Variants in KIF5C observed in about 807,000 individuals in gnomAD.
KIF5C encodes kinesin heavy chain isoform 5C.
A neutral mutation model predicts 125.2 loss-of-function variants in KIF5C; 18 were observed. The observed-to-expected ratio is 0.14, with a 90% CI of 0.10 to 0.21. The LOEUF (loss-of-function observed/expected upper bound fraction) is 0.21, where lower values mean the gene tolerates loss of function less well. Among genes scored for constraint, KIF5C ranks in the 10% least tolerant of loss-of-function variants. The pLI is 1.00. For missense variants in KIF5C, 780 were observed against 1,183.8 expected (o/e 0.66, Z 5.01); for synonymous variants, 405 against 434.0 (o/e 0.93, Z 0.83).
rs201928440 is a variant in KIF5C, at chr2:148,978,906, T to C, written c.1294-16T>C. ...ACATAACTAACCAAAAAAACAAACA[T>C]GATGTTTCGTTTCAGGATGATGAAA... is the stretch of plus-strand genomic sequence containing the variant. On this transcript the variant is annotated splice_polypyrimidine_tract_variant and intron_variant, in intron 12 of 25. Coordinates refer to ENST00000435030, the MANE Select transcript of KIF5C (RefSeq NM_004522.3). The C allele has an allele frequency of 6.3e-7, 1 of 1,580,500 alleles. No homozygotes were observed. Among genetic ancestry groups the C allele is most frequent in the African/African-American group, 1.4e-5 (1 of 73,280 alleles).
At chr2:149,005,298 A>G in intron 21 of KIF5C, 95 bp from the exon 22 acceptor site, 1 of 1,547,096 alleles carries the variant, frequency 6.5e-7, no homozygotes, top group African/African-American at 1.4e-5. Flanking sequence ...CGTCCATGGC[A>G]GGCTTGGGAA....
chr2:148,973,409 C>T lies in KIF5C; in HGVS notation c.1191C>T (p.Pro397=), dbSNP rs750336350. The stretch of plus-strand genomic sequence containing the variant: ...ACCTGGAGCCTTGTGATAACACCCC[C>T]ATCATAGACAATATTGCTCCTGTTG... ...QKNLEPCDNT[P]IIDNIAPVVA... Residue 397 remains proline (P), a synonymous_variant, in exon 12 of 26, where the codon CCC becomes CCT. Coordinates refer to ENST00000435030, the MANE Select transcript of KIF5C (RefSeq NM_004522.3). 5 of 1,613,622 alleles carry T rather than the reference C, an allele frequency of 3.1e-6. No homozygotes were observed. The African/African-American group carries it at 5.3e-5, about 17-fold the overall frequency.
At chr2:149,005,358 G>T in intron 21 of KIF5C, 35 bp from the exon 22 acceptor site, 1 of 1,606,510 alleles carries the variant, frequency 6.2e-7, no homozygotes, top group East Asian at 2.2e-5. Flanking sequence ...TCAGTGAATT[G>T]CTGCACTTAA....
chr2:148,947,691 C>T (rs1682551522), intron 8 of KIF5C, among the ~76,000 whole-genome samples: 1 of 152,228 alleles, frequency 6.6e-6, no homozygotes, highest in South Asian at 2.1e-4. Context: ...AATAGGCTTC[C>T]CAGAATCTCC....
At chr2:149,002,158 G>T (rs1681868848) in intron 21 of KIF5C, among the ~76,000 whole-genome samples, 1 of 152,216 alleles carries the variant, frequency 6.6e-6, no homozygotes, top group Non-Finnish European at 1.5e-5. Context: ...GATAATTATA[G>T]AAATTCAGAA....
chr2:148,912,000 A>C (rs1255855069), intron 1 of KIF5C, among the ~76,000 whole-genome samples: 1 of 152,062 alleles, frequency 6.6e-6, no homozygotes, highest in African/African-American at 2.4e-5. Context: ...TCCCCATCCC[A>C]ACTTCACTGC....
intron 11 of KIF5C, among the ~76,000 whole-genome samples, chr2:148,964,348 A>C (rs1683000058): frequency 6.6e-6 from 1 of 152,136 alleles, no homozygotes; most frequent in South Asian, 2.1e-4. Flanking sequence ...TGAGCCTTTA[A>C]GTTACATAAT....
chr2:148,998,677 G>C, intron 19 of KIF5C, 168 bp downstream of exon 19: 8 of 1,149,426 alleles, frequency 7.0e-6, no homozygotes, highest in Non-Finnish European at 9.6e-6. Flanking sequence ...TCTGTTCTCC[G>C]ATCTGGAGCT....
chr2:148,879,008 T>C (rs1195019114), intron 1 of KIF5C: 1 of 152,234 alleles, frequency 6.6e-6, no homozygotes, highest in Non-Finnish European at 1.5e-5. Flanking sequence ...TAGATTTCTC[T>C]TTTATGAAAA....
At chr2:148,910,164 G>C (rs1681275287) in intron 1 of KIF5C, among the ~76,000 whole-genome samples, 1 of 152,190 alleles carries the variant, frequency 6.6e-6, no homozygotes, top group African/African-American at 2.4e-5. Flanking sequence ...GGGTAAGATA[G>C]AAAACATGTC....
chr2:148,880,850 C>G (rs1304370552), intron 1 of KIF5C, among the ~76,000 whole-genome samples: 1 of 151,854 alleles, frequency 6.6e-6, no homozygotes, highest in Non-Finnish European at 1.5e-5. Flanking sequence ...ACTGAGGCCA[C>G]TCACTATTCA....
Position 148,970,896 on chromosome 2 carries a change from G to A in KIF5C, c.1118-2440G>A, listed in dbSNP as rs1680881619. On this transcript the variant is annotated intron_variant, in intron 11 of 25. Coordinates refer to ENST00000435030, the MANE Select transcript of KIF5C (RefSeq NM_004522.3). ...CACAGGGAATATATCTCTTCCAGAT[G>A]TTTTTGTATCTTACCTCTTTACTTG... Among the ~76,000 whole-genome samples the A allele has an allele frequency of 2.0e-5, 3 of 152,328 alleles. No individual in the cohort carries two copies. In the Middle Eastern group the frequency reaches 0.01, roughly 518 times the overall value.
chr2:149,010,370 G>A lies in KIF5C; in HGVS notation c.2767+19G>A, dbSNP rs1285955289. 8 of 1,527,264 alleles carry A rather than the reference G, an allele frequency of 5.2e-6. No homozygotes were observed. The highest frequency in any genetic ancestry group is 1.4e-5 in the African/African-American group (1 of 72,006). The allele number at this position is 1,527,264 out of a possible 1,614,324, so 94.6% of individuals were successfully genotyped here. A position where few individuals can be genotyped will look rare whatever the true frequency, so the allele number is the denominator to read the frequency against. ...CAGATCGGTACGTGCGTGCACAGTG[G>A]CGCCCGGGGTTTGAGAAGCTACTGC... is the stretch of plus-strand genomic sequence containing the variant. On this transcript the variant is annotated intron_variant, in intron 24 of 25. Transcript: ENST00000435030.
intron 25 of KIF5C, among the ~76,000 whole-genome samples, chr2:149,019,928 C>A (rs1406393727): frequency 6.6e-6 from 1 of 152,202 alleles, no homozygotes; most frequent in Non-Finnish European, 1.5e-5. Context: ...TCACACGTTG[C>A]CACTTTGAAT....
chr2:148,877,402 A>AT (rs1367018772), intron 1 of KIF5C: 2 of 152,280 alleles, frequency 1.3e-5, no homozygotes, highest in Non-Finnish European at 2.9e-5. Flanking sequence ...CAGAGAAGAT[A>AT]TAAGCTACGA....
chr2:149,010,472 G>A, intron 24 of KIF5C, 121 bp downstream of exon 24: 2 of 1,439,864 alleles, frequency 1.4e-6, no homozygotes, highest in South Asian at 1.5e-5. Context: ...CTGGGTTGGA[G>A]CCCGCAGGAC....
intron 19 of KIF5C, 161 bp from the exon 20 acceptor site, chr2:149,000,262 G>A (rs932647744): frequency 2.5e-5 from 19 of 770,276 alleles, no homozygotes; most frequent in Middle Eastern, 2.5e-4. Context: ...ACTTGGGCAC[G>A]GAGGAAGCTG....
Position 149,000,225 on chromosome 2 carries a change from T to C in KIF5C, c.2211-198T>C, listed in dbSNP as rs1681809753. ...CTCAAAGCCTTATGTTTCATGACTC[T>C]TAGATGCACCCCAGAAATTAGTTTT... On this transcript the variant is annotated intron_variant, in intron 19 of 25. Transcript: ENST00000435030. 9.2e-6 allele frequency: 5 copies of C among 545,786 alleles called. No individual in the cohort carries two copies. The South Asian group carries it at 2.1e-4, about 23-fold the overall frequency. 33.8% of individuals were successfully genotyped at this position (545,786 alleles called of 1,614,324 possible).
intron 4 of KIF5C, among the ~76,000 whole-genome samples, chr2:148,938,623 C>T (rs192496536): frequency 5.4e-4 from 82 of 152,256 alleles, no homozygotes; most frequent in African/African-American, 1.9e-3. Flanking sequence ...GCCCGATGAG[C>T]TGTGTCCAGG....
Sources: gnomAD v4.1 joint callset for allele counts (sites outside exome capture counted in the v4.1 genomes callset) on GRCh38, gnomAD v4.1.1 for gene constraint, MANE v1.5 for transcripts, NCBI Gene and HGNC (gene_info 2026-07-23, HGNC 2026-07-21) for gene names.